Variants in WASHC4 observed in about 807,000 individuals in gnomAD.
The protein encoded by WASHC4 is WASH complex subunit 7.
Under a neutral mutation model 166.6 loss-of-function variants are expected in WASHC4, and 86 were observed. The ratio of observed to expected loss-of-function variants is 0.52; its 90% CI spans 0.43 to 0.62. The LOEUF (loss-of-function observed/expected upper bound fraction) is 0.62, where lower values mean the gene tolerates loss of function less well. WASHC4 is among the 20% of genes least tolerant of loss of function. The pLI, the probability that WASHC4 is intolerant of heterozygous loss-of-function variation, is 0.00. For missense variants in WASHC4, 1,262 were observed against 1,382.4 expected (o/e 0.91, Z 1.38); for synonymous variants, 446 against 451.6 (o/e 0.99, Z 0.16).
chr12:105,112,637 T>G (rs1879805456), intron 2 of WASHC4, among the ~76,000 whole-genome samples: 1 of 152,188 alleles, frequency 6.6e-6, no homozygotes, highest in Admixed American at 6.5e-5. Flanking sequence ...TGGCTTTGAT[T>G]TGCATTTCTG....
At chr12:105,143,333 G>C in intron 20 of WASHC4, 90 bp downstream of exon 20, 1 of 744,106 alleles carries the variant, frequency 1.3e-6, no homozygotes, top group Non-Finnish European at 2.4e-6. Context: ...GACTCACTGA[G>C]TTAAAATTAT....
At chr12:105,108,724 G>A (rs1358693244) in intron 1 of WASHC4, among the ~76,000 whole-genome samples, 1 of 150,586 alleles carries the variant, frequency 6.6e-6, no homozygotes, top group Non-Finnish European at 1.5e-5. Flanking sequence ...AGAGATTGGA[G>A]CATGCTGTTT....
chr12:105,141,082 G>T, intron 17 of WASHC4, 37 bp downstream of exon 17: 1 of 1,612,304 alleles, frequency 6.2e-7, no homozygotes, highest in Non-Finnish European at 8.5e-7. Flanking sequence ...ACAGAAATGA[G>T]ATCTGAGATT....
At chr12:105,142,428 G>A (rs1279276745) in intron 18 of WASHC4, 25 bp from the exon 19 acceptor site, 12 of 1,335,614 alleles carry the variant, frequency 9.0e-6, no homozygotes, top group Non-Finnish European at 1.3e-5. Context: ...GTTTTGGTGT[G>A]ACTGATTACT....
At position 105,156,765 on chromosome 12, in the gene WASHC4, GTC is replaced by G; in HGVS notation, c.2800_2801del (p.Leu934SerfsTer3). 6.2e-7 allele frequency: 1 copy of G among 1,612,736 alleles called. No individual in the cohort carries two copies. On this transcript the variant is annotated frameshift_variant, in exon 27 of 33. Transcript: ENST00000332180. LOFTEE classifies it high-confidence loss of function. The stretch of plus-strand genomic sequence containing the variant: ...TATGTACGAATGATAAGATCTGGTG[GTC>G]TTCATTGTAGCAGCAATGCCATTAG...
Position 105,167,689 on chromosome 12 carries a change from GTA to G in WASHC4, c.*760_*761del, listed in dbSNP as rs1884880416. The G allele has an allele frequency of 6.6e-6, 1 of 152,502 alleles. No homozygotes were observed. Among genetic ancestry groups the G allele is most frequent in the African/African-American group, 2.4e-5 (1 of 41,408 alleles). 9.4% of individuals were successfully genotyped at this position (152,502 alleles called of 1,614,324 possible). A position where few individuals can be genotyped will look rare whatever the true frequency, so the allele number is the denominator to read the frequency against. ...CTTCTATTTTGGTTGAAGGCATGATGTATGATGTCAGAAAAAAAATTGAATGA... is the reference window on the plus strand; with the variant it reads ...CTTCTATTTTGGTTGAAGGCATGATGTGATGTCAGAAAAAAAATTGAATGA... On this transcript the variant is annotated 3_prime_UTR_variant, in exon 33 of 33. Transcript: ENST00000332180.
At chr12:105,134,003 G>A (rs920616502) in intron 14 of WASHC4, 107 bp downstream of exon 14, 1 of 1,076,400 alleles carries the variant, frequency 9.3e-7, no homozygotes, top group Non-Finnish European at 1.4e-6. Context: ...GTTTATTAAA[G>A]CAAGTTGATT....
chr12:105,151,074 G>A (rs1195737144), intron 25 of WASHC4, among the ~76,000 whole-genome samples: 3 of 150,126 alleles, frequency 2.0e-5, no homozygotes, highest in Admixed American at 1.3e-4. Context: ...GAACCTAGGA[G>A]GTGGAGGTTG....
In WASHC4 at chr12:105,120,538, T is replaced by A. The variant is rs1592851527; in HGVS notation, c.519-17T>A. On this transcript the variant is annotated splice_polypyrimidine_tract_variant and intron_variant, in intron 7 of 32. Transcript: ENST00000332180. ...AAAAAGGAAGTTTTTTTTAACTTGG[T>A]TGTTATTTTATTATAGGATTGCACC... 7 of 1,539,652 alleles carry A rather than the reference T, an allele frequency of 4.5e-6. No homozygotes were observed. The East Asian group carries it at 1.3e-4, about 30-fold the overall frequency.
rs1196203469 is a variant in WASHC4, at chr12:105,144,872, G to A, written c.2334G>A (p.Gln778=). ...EAHLPSQTLE[Q]GLDVLEIMRN... ...ATCTTCCCAGTCAGACTTTGGAACA[G>A]GTATAGTATAAAATGTTTTTTTTAG... Residue 778 remains glutamine (Q), a splice_region_variant and synonymous_variant, in exon 22 of 33, where the codon CAG becomes CAA. Transcript: ENST00000332180. The A allele has an allele frequency of 1.2e-6, 2 of 1,610,818 alleles. No individual in the cohort carries two copies. Among genetic ancestry groups the A allele is most frequent in the Non-Finnish European group, 1.7e-6 (2 of 1,178,844 alleles).
intron 13 of WASHC4, among the ~76,000 whole-genome samples, chr12:105,131,634 T>C (rs1881830385): frequency 1.3e-5 from 2 of 152,200 alleles, no homozygotes; most frequent in Non-Finnish European, 2.9e-5. Context: ...TGTTCTCTCC[T>C]GTACATGGGA....
chr12:105,128,156 C>T (rs1354439175), intron 13 of WASHC4, among the ~76,000 whole-genome samples: 8 of 152,154 alleles, frequency 5.3e-5, no homozygotes, highest in African/African-American at 1.9e-4. Context: ...AGTTGGATCA[C>T]TACTATACAT....
chr12:105,162,190 T>TGATTA (rs1361340825), intron 29 of WASHC4, among the ~76,000 whole-genome samples: 1 of 152,234 alleles, frequency 6.6e-6, no homozygotes, highest in Non-Finnish European at 1.5e-5. Context: ...ATAAAAGATA[T>TGATTA]GATTAGATAA....
At position 105,168,111 on chromosome 12, in the gene WASHC4, T is replaced by C. The variant is rs1262773431; in HGVS notation, c.*1180T>C. ...AATGCTTGATTTTTTTCTATTGCAT[T>C]TGTCTGCTAAACATTTCTTTGGATA... On this transcript the variant is annotated 3_prime_UTR_variant, in exon 33 of 33. Coordinates refer to ENST00000332180, the MANE Select transcript of WASHC4 (RefSeq NM_015275.3). 2.0e-5 allele frequency: 3 copies of C among 152,116 alleles called. No homozygotes were observed. Among genetic ancestry groups the C allele is most frequent in the African/African-American group, 7.2e-5 (3 of 41,458 alleles). The allele number at this position is 152,116 out of a possible 1,614,324, so 9.4% of individuals were successfully genotyped here.
chr12:105,155,841 C>CA (rs1294472822), intron 26 of WASHC4, among the ~76,000 whole-genome samples: 7 of 150,974 alleles, frequency 4.6e-5, no homozygotes, highest in East Asian at 1.9e-4. Flanking sequence ...GACTCTGTCT[C>CA]AAAAAAAAGA....
Position 105,144,412 on chromosome 12 carries a change from T to A in WASHC4, c.2136T>A (p.Ser712=). Residue 712 remains serine, a synonymous_variant, in exon 21 of 33, where the codon TCT becomes TCA. Transcript: ENST00000332180. ...TGAAAGACCTGGCTCTTTTTTTCTC[T>A]CTGAATCCAATTCGGTTTTTCAATC... ...VGMKDLALFF[S]LNPIRFFNRF... is the part of the protein sequence containing the mutation. The A allele has an allele frequency of 6.2e-7, 1 of 1,613,558 alleles. No homozygotes were observed. Among genetic ancestry groups the A allele is most frequent in the Non-Finnish European group, 8.5e-7 (1 of 1,179,614 alleles).
chr12:105,125,297 T>G (rs1376676518), intron 10 of WASHC4, among the ~76,000 whole-genome samples: 1 of 152,176 alleles, frequency 6.6e-6, no homozygotes, highest in African/African-American at 2.4e-5. Context: ...GAAAAAAACT[T>G]GCAGACAAAT....
intron 14 of WASHC4, among the ~76,000 whole-genome samples, chr12:105,137,496 C>A (rs1393598455): frequency 1.3e-5 from 2 of 152,162 alleles, no homozygotes; most frequent in Non-Finnish European, 2.9e-5. Context: ...TCAGCTCTTG[C>A]CTTAAGTGGC....
In WASHC4 at chr12:105,144,427, G is replaced by C; in HGVS notation, c.2151G>C (p.Arg717=). ...TTTTTTTCTCTCTGAATCCAATTCG[G>C]TTTTTCAATCGTTTCATTGACATTC... ...LALFFSLNPI[R]FFNRFIDIRA... The change falls in exon 21 of 33, where the codon CGG becomes CGC. Residue 717 remains arginine, a synonymous_variant. Coordinates refer to ENST00000332180, the MANE Select transcript of WASHC4 (RefSeq NM_015275.3). 6 of 1,611,958 alleles carry C rather than the reference G, an allele frequency of 3.7e-6. No individual in the cohort carries two copies. Among genetic ancestry groups the C allele is most frequent in the South Asian group, 1.1e-5 (1 of 91,004 alleles).
Sources: gnomAD v4.1 joint callset for allele counts (sites outside exome capture counted in the v4.1 genomes callset) on GRCh38, gnomAD v4.1.1 for gene constraint, MANE v1.5 for transcripts, NCBI Gene and HGNC (gene_info 2026-07-23, HGNC 2026-07-21) for gene names.